CACNA1A: variants seen among roughly 807,000 people sequenced by gnomAD.
The protein encoded by CACNA1A is calcium voltage-gated channel subunit alpha1 A.
Under a neutral mutation model 262.4 loss-of-function variants are expected in CACNA1A, and 57 were observed. The ratio of observed to expected loss-of-function variants is 0.22; its 90% CI spans 0.18 to 0.27. CACNA1A has a LOEUF of 0.27. Among genes scored for constraint, CACNA1A ranks in the 10% least tolerant of loss-of-function variants. The probability of loss-of-function intolerance (pLI) is 1.00; values close to 1 mark genes in which losing one functional copy is unlikely to be tolerated. For synonymous variants in CACNA1A, 1,431 were observed against 1,419.3 expected (o/e 1.01, Z -0.18); for missense variants, 2,526 against 3,562.8 (o/e 0.71, Z 7.41).
In CACNA1A at chr19:13,213,935, C is replaced by G. The variant is rs2054908149; in HGVS notation, c.5940+298G>C. 8.9e-6 allele frequency: 3 copies of G among 335,820 alleles called. No homozygotes were observed. In the East Asian group the frequency reaches 1.9e-4, roughly 21 times the overall value. The allele number at this position is 335,820 out of a possible 1,614,324, so 20.8% of individuals were successfully genotyped here. A position where few individuals can be genotyped will look rare whatever the true frequency, so the allele number is the denominator to read the frequency against. ...TCCTGGCCTCAAGTGATCCTCCCAT[C>G]TTGGCCTCCTAAATAGCTGGGACTA... On this transcript the variant is annotated intron_variant, in intron 40 of 46. Coordinates refer to ENST00000360228, the MANE Select transcript of CACNA1A (RefSeq NM_001127222.2).
intron 34 of CACNA1A, among the ~76,000 whole-genome samples, chr19:13,232,732 C>CA (rs1304494549): frequency 6.4e-5 from 6 of 94,108 alleles, no homozygotes; most frequent in African/African-American, 4.3e-5. Flanking sequence ...GATTCTGTCT[C>CA]AAAAAAAAGC....
chr19:13,390,826 G>A (rs533728546), intron 3 of CACNA1A, among the ~76,000 whole-genome samples: 1 of 150,794 alleles, frequency 6.6e-6, no homozygotes, highest in Admixed American at 6.6e-5. Flanking sequence ...ACTCACCCAA[G>A]GATTCACAGG....
intron 31 of CACNA1A, among the ~76,000 whole-genome samples, chr19:13,238,602 T>TTTTTC (rs1351710198): frequency 6.6e-6 from 1 of 151,712 alleles, no homozygotes; most frequent in Non-Finnish European, 1.5e-5. Context: ...AGTATTTTTT[T>TTTTTC]TTTAAGAGAG....
chr19:13,270,086 T>C (rs2056979205), intron 24 of CACNA1A, among the ~76,000 whole-genome samples: 1 of 152,122 alleles, frequency 6.6e-6, no homozygotes, highest in African/African-American at 2.4e-5. Context: ...CTGCTCACTG[T>C]GAGCCTCCGT....
At chr19:13,210,148 G>A (rs2054751431) in intron 44 of CACNA1A, among the ~76,000 whole-genome samples, 1 of 152,196 alleles carries the variant, frequency 6.6e-6, no homozygotes, top group Non-Finnish European at 1.5e-5. Flanking sequence ...TCATCCCTGG[G>A]TCAAGCCCTG....
intron 19 of CACNA1A, among the ~76,000 whole-genome samples, chr19:13,294,114 CT>C (rs538515228): frequency 1.9e-4 from 27 of 140,276 alleles, no homozygotes; most frequent in African/African-American, 2.4e-4. Flanking sequence ...ATTGGTCTTT[CT>C]TTTTTTTTTA....
intron 1 of CACNA1A, among the ~76,000 whole-genome samples, chr19:13,499,455 G>GC (rs1982102954): frequency 7.7e-6 from 1 of 129,170 alleles, no homozygotes; most frequent in Non-Finnish European, 1.6e-5. Flanking sequence ...GGTGGTGGGG[G>GC]GGGGCACTTC....
chr19:13,375,229 G>T (rs1212540387), intron 3 of CACNA1A, among the ~76,000 whole-genome samples: 2 of 152,048 alleles, frequency 1.3e-5, no homozygotes, highest in Admixed American at 1.3e-4. Flanking sequence ...ATTGTTTGGG[G>T]GTGCCACGAA....
At chr19:13,233,743 G>A (rs570214059) in intron 34 of CACNA1A, among the ~76,000 whole-genome samples, 118 of 152,092 alleles carry the variant, frequency 7.8e-4, no homozygotes, top group Admixed American at 1.4e-3. Context: ...CTCCCACCTC[G>A]GCCTCCCAAA....
At chr19:13,305,449 C>T (rs1002696296) in intron 15 of CACNA1A, among the ~76,000 whole-genome samples, 1 of 152,216 alleles carries the variant, frequency 6.6e-6, no homozygotes, top group African/African-American at 2.4e-5. Context: ...ATCCAACTTC[C>T]TTCCTTCTAT....
At chr19:13,324,457 A>T (rs1260246772) in intron 10 of CACNA1A, among the ~76,000 whole-genome samples, 3 of 152,218 alleles carry the variant, frequency 2.0e-5, no homozygotes, top group Non-Finnish European at 2.9e-5. Context: ...CCCACACACA[A>T]AAAACGGTGA....
At chr19:13,366,594 G>T (rs1418216518) in intron 4 of CACNA1A, among the ~76,000 whole-genome samples, 1 of 152,158 alleles carries the variant, frequency 6.6e-6, no homozygotes, top group East Asian at 1.9e-4. Flanking sequence ...ACAGAGCCCA[G>T]CCAACTTTAA....
intron 19 of CACNA1A, among the ~76,000 whole-genome samples, chr19:13,298,021 C>G (rs1263312862): frequency 6.6e-6 from 1 of 152,004 alleles, no homozygotes; most frequent in African/African-American, 2.4e-5. Flanking sequence ...CGGGGTTTCA[C>G]TATGTTGGCC....
At chr19:13,335,029 T>A (rs1234526629) in intron 7 of CACNA1A, among the ~76,000 whole-genome samples, 8 of 93,676 alleles carry the variant, frequency 8.5e-5, no homozygotes, top group African/African-American at 2.3e-4. Flanking sequence ...CTAGACACCG[T>A]CTCAAAAAAA....
chr19:13,269,887 G>C (rs2056972585), intron 24 of CACNA1A, among the ~76,000 whole-genome samples: 2 of 152,174 alleles, frequency 1.3e-5, no homozygotes, highest in South Asian at 4.1e-4. Flanking sequence ...TCCCATATCG[G>C]AGACGAGGCC....
chr19:13,271,230 T>G (rs2144811881), intron 24 of CACNA1A: 1 of 143,810 alleles, frequency 7.0e-6, no homozygotes, highest in East Asian at 2.0e-4. Flanking sequence ...TTTTTTTTTT[T>G]TTTTTTTTGA....
chr19:13,404,052 C>T (rs567943830), intron 3 of CACNA1A, among the ~76,000 whole-genome samples: 2 of 152,196 alleles, frequency 1.3e-5, no homozygotes, highest in South Asian at 2.1e-4. Flanking sequence ...GGGGCAGTAA[C>T]GTAACCTCTC....
At chr19:13,278,276 C>T (rs2057200025) in intron 22 of CACNA1A, among the ~76,000 whole-genome samples, 2 of 152,130 alleles carry the variant, frequency 1.3e-5, no homozygotes, top group Admixed American at 6.5e-5. Flanking sequence ...AGCCCCTGCA[C>T]GATCTGACCA....
intron 3 of CACNA1A, among the ~76,000 whole-genome samples, chr19:13,381,201 A>G (rs1165495485): frequency 6.6e-6 from 1 of 151,882 alleles, no homozygotes; most frequent in Admixed American, 6.6e-5. Flanking sequence ...CCTGAGCAAC[A>G]TGGCAAGACC....
Sources: allele counts gnomAD v4.1 joint callset (sites outside exome capture counted in the v4.1 genomes callset), GRCh38; gene constraint gnomAD v4.1.1; transcripts MANE v1.5; gene names NCBI Gene and HGNC (gene_info 2026-07-23, HGNC 2026-07-21).